MAP3K2: variants seen among roughly 807,000 people sequenced by gnomAD.
MAP3K2 encodes the protein mitogen-activated protein kinase kinase kinase 2, also known as MAP/ERK kinase kinase 2.
A neutral mutation model predicts 80.3 loss-of-function variants in MAP3K2; 24 were observed. The ratio of observed to expected loss-of-function variants is 0.30; its 90% confidence interval spans 0.22 to 0.42. The LOEUF is 0.42. Ranked by LOEUF, MAP3K2 falls within the 10% of genes least tolerant of loss-of-function variation. The pLI, the probability that MAP3K2 is intolerant of heterozygous loss-of-function variation, is 1.00. For synonymous variants in MAP3K2, 244 were observed against 253.7 expected (o/e 0.96, Z 0.36); for missense variants, 608 against 750.1 (o/e 0.81, Z 2.21).
chr2:127,387,885 C>G lies in MAP3K2; in HGVS notation c.-499G>C. 2.0e-6 allele frequency: 2 copies of G among 982,318 alleles called. No homozygotes were observed. Among genetic ancestry groups the G allele is most frequent in the Non-Finnish European group, 2.4e-6 (2 of 827,260 alleles). 60.9% of individuals were successfully genotyped at this position (982,318 alleles called of 1,614,324 possible). A position where few individuals can be genotyped will look rare whatever the true frequency, so the allele number is the denominator to read the frequency against. On this transcript the variant is annotated 5_prime_UTR_variant, in exon 1 of 17. Transcript: ENST00000682094. ...GTCGCCGCCGCGGGCCGTGCAACCCCCGAACGCTGCGCCCAGCGGCCGCGG... is the reference window on the plus strand; with the variant it reads ...GTCGCCGCCGCGGGCCGTGCAACCCGCGAACGCTGCGCCCAGCGGCCGCGG...
chr2:127,305,606 C>T lies in MAP3K2; in HGVS notation c.*1973G>A, dbSNP rs1396396730. 1 of 152,044 alleles carries T rather than the reference C, an allele frequency of 6.6e-6. No homozygotes were observed. The highest frequency in any genetic ancestry group is 2.4e-5 in the African/African-American group (1 of 41,422). 9.4% of individuals were successfully genotyped at this position (152,044 alleles called of 1,614,324 possible). A position where few individuals can be genotyped will look rare whatever the true frequency, so the allele number is the denominator to read the frequency against. ...CACCTTTTGGCAGAAAATAAGAATA[C>T]CTGAGTCCCTTATGAATCCCATGAA... is the stretch of plus-strand genomic sequence containing the variant. On this transcript the variant is annotated 3_prime_UTR_variant, in exon 17 of 17. Transcript: ENST00000682094.
intron 2 of MAP3K2, among the ~76,000 whole-genome samples, chr2:127,342,388 G>GGGGGGGGTGTGTGTGT (rs143219830): frequency 6.8e-6 from 1 of 147,744 alleles, no homozygotes; most frequent in African/African-American, 2.5e-5. Context: ...TCTTCATGAG[G>GGGGGGGGTGTGTGTGT]GTGTGTGTGT....
At chr2:127,318,390 T>C in intron 12 of MAP3K2, 73 bp from the exon 13 acceptor site, 1 of 1,194,500 alleles carries the variant, frequency 8.4e-7, no homozygotes, top group African/African-American at 1.6e-5. Context: ...TAAATGAGCA[T>C]ACTGCATTAG....
intron 1 of MAP3K2, among the ~76,000 whole-genome samples, chr2:127,371,560 C>T (rs764072652): frequency 3.9e-5 from 6 of 152,144 alleles, no homozygotes; most frequent in Non-Finnish European, 7.3e-5. Context: ...CTTATAAAAA[C>T]GCTAATGTGG....
At chr2:127,374,285 T>G (rs1687114832) in intron 1 of MAP3K2, among the ~76,000 whole-genome samples, 1 of 152,194 alleles carries the variant, frequency 6.6e-6, no homozygotes, top group African/African-American at 2.4e-5. Context: ...GCACTTTTTC[T>G]CCGACTTCAG....
intron 13 of MAP3K2, 54 bp from the exon 14 acceptor site, chr2:127,317,814 A>G: frequency 6.6e-7 from 1 of 1,518,674 alleles, no homozygotes; most frequent in Non-Finnish European, 8.9e-7. Flanking sequence ...AAAGCAAAAA[A>G]TTCTAACTTC....
In MAP3K2 at chr2:127,307,101, C is replaced by A. The variant is rs1012868737; in HGVS notation, c.*478G>T. The A allele has an allele frequency of 5.2e-5, 8 of 152,742 alleles. No individual in the cohort carries two copies. Among genetic ancestry groups the A allele is most frequent in the Admixed American group, 1.3e-4 (2 of 15,272 alleles). The allele number at this position is 152,742 out of a possible 1,614,324, so 9.5% of individuals were successfully genotyped here. ...CTATATTCTTTAAGTTGAGTACCTA[C>A]CCTAAACTAAAGTTTAGGGCTCAAC... On this transcript the variant is annotated 3_prime_UTR_variant, in exon 17 of 17. Transcript: ENST00000682094. This position sits in a 1 kb window ranked among gnomAD's most constrained non-coding sequence, Gnocchi z 5.4.
Position 127,339,467 on chromosome 2 carries a change from T to G in MAP3K2, c.5-417A>C, listed in dbSNP as rs1255224163. Among the ~76,000 whole-genome samples, 1 of 152,222 alleles carries G rather than the reference T, an allele frequency of 6.6e-6. No homozygotes were observed. Among genetic ancestry groups the G allele is most frequent in the Non-Finnish European group, 1.5e-5 (1 of 68,028 alleles). ...AGCATTTATATTCAAAGTACAGACT[T>G]AATTTTGGAAGGTTTTTTTATTCTT... On this transcript the variant is annotated intron_variant, in intron 2 of 16. Coordinates refer to ENST00000682094, the MANE Select transcript of MAP3K2 (RefSeq NM_001371910.2). This position sits in a 1 kb window ranked among gnomAD's most constrained non-coding sequence, Gnocchi z 4.2.
chr2:127,322,280 T>C lies in MAP3K2; in HGVS notation c.839-28A>G, dbSNP rs1415066294. On this transcript the variant is annotated intron_variant, in intron 11 of 16. Coordinates refer to ENST00000682094, the MANE Select transcript of MAP3K2 (RefSeq NM_001371910.2). The surrounding 1 kb of genome is among the most constrained non-coding windows in gnomAD (Gnocchi z 4.2). ...AAAAAATGAAAAGAGAATGACCTTA[T>C]ACCTTTTATTAATATGTTATACTTT... 2 of 1,372,954 alleles carry C rather than the reference T, an allele frequency of 1.5e-6. No homozygotes were observed. The highest frequency in any genetic ancestry group is 1.4e-5 in the African/African-American group (1 of 69,224). 85.0% of individuals were successfully genotyped at this position (1,372,954 alleles called of 1,614,324 possible).
intron 1 of MAP3K2, among the ~76,000 whole-genome samples, chr2:127,386,900 T>C (rs1159712672): frequency 6.6e-6 from 1 of 152,138 alleles, no homozygotes; most frequent in Non-Finnish European, 1.5e-5. Flanking sequence ...CTTCATGACC[T>C]TGGACAAATG....
upstream of MAP3K2, chr2:127,388,145 C>G (rs144512573): frequency 1.0e-6 from 1 of 985,048 alleles, no homozygotes; most frequent in Non-Finnish European, 1.2e-6. Flanking sequence ...ACCGGCCGGA[C>G]GGCGCGGGGA....
intron 2 of MAP3K2, among the ~76,000 whole-genome samples, chr2:127,341,315 C>G (rs186933484): frequency 2.0e-5 from 3 of 149,416 alleles, no homozygotes; most frequent in Non-Finnish European, 4.5e-5. Flanking sequence ...AAAATGAGAA[C>G]GGAAAAAAAA....
At chr2:127,341,687 C>A (rs900757469) in intron 2 of MAP3K2, among the ~76,000 whole-genome samples, 1 of 151,802 alleles carries the variant, frequency 6.6e-6, no homozygotes, top group African/African-American at 2.4e-5. Flanking sequence ...CGCACGCCAC[C>A]ATGCCTGGCT....
chr2:127,309,335 T>C (rs1685764784), intron 15 of MAP3K2, among the ~76,000 whole-genome samples: 1 of 152,200 alleles, frequency 6.6e-6, no homozygotes, highest in Non-Finnish European at 1.5e-5. Flanking sequence ...CTTTGAGCTT[T>C]TCATTTAAAA....
chr2:127,337,835 GAT>G (rs1686402922), intron 3 of MAP3K2, 57 bp from the exon 4 acceptor site: 2 of 1,010,102 alleles, frequency 2.0e-6, no homozygotes, highest in South Asian at 3.4e-5. Flanking sequence ...TCAGAGATTA[GAT>G]AAAATTTCTA....
chr2:127,361,202 A>G (rs1369651193), intron 1 of MAP3K2, among the ~76,000 whole-genome samples: 1 of 151,038 alleles, frequency 6.6e-6, no homozygotes, highest in African/African-American at 2.4e-5. Context: ...AGTCCCAGCT[A>G]TTCGGGAGGC....
At chr2:127,354,314 A>G (rs1212347598) in intron 1 of MAP3K2, among the ~76,000 whole-genome samples, 1 of 151,286 alleles carries the variant, frequency 6.6e-6, no homozygotes, top group Non-Finnish European at 1.5e-5. Context: ...TTGAGTCTTC[A>G]GAATGATTAT....
intron 1 of MAP3K2, among the ~76,000 whole-genome samples, chr2:127,377,665 T>A (rs558965403): frequency 6.6e-6 from 1 of 152,334 alleles, no homozygotes; most frequent in South Asian, 2.1e-4. Flanking sequence ...AAATGTAATA[T>A]GAATTTTCTG....
At chr2:127,338,430 C>G (rs1686415754) in intron 3 of MAP3K2, among the ~76,000 whole-genome samples, 3 of 152,226 alleles carry the variant, frequency 2.0e-5, no homozygotes, top group African/African-American at 7.2e-5. Flanking sequence ...TTTAGTCACT[C>G]AGGTATCAGG....
Sources: gnomAD v4.1 joint callset for allele counts (sites outside exome capture counted in the v4.1 genomes callset) on GRCh38, gnomAD v4.1.1 for gene constraint, Gnocchi (gnomAD v3.1) non-coding constraint, MANE v1.5 for transcripts, NCBI Gene and HGNC (gene_info 2026-07-23, HGNC 2026-07-21) for gene names.